Variants in HSPA9 observed in about 807,000 individuals in gnomAD.
HSPA9 encodes heat shock protein family A (Hsp70) member 9, also known as stress-70 protein, mitochondrial.
In HSPA9, 28 loss-of-function variants were observed where a neutral mutation model predicts 81.5. The ratio of observed to expected loss-of-function variants is 0.34; its 90% CI spans 0.25 to 0.47. The LOEUF (loss-of-function observed/expected upper bound fraction) is 0.47, where lower values mean the gene tolerates loss of function less well. HSPA9 is among the 20% of genes least tolerant of loss of function. HSPA9 has a pLI of 1.00. For synonymous variants in HSPA9, 293 were observed against 290.4 expected, an observed-to-expected ratio of 1.01 and a Z score of -0.09; for missense variants, 678 against 838.0, an observed-to-expected ratio of 0.81 and a Z score of 2.36.
At chr5:138,564,002 G>A (rs1561859039) in intron 9 of HSPA9, among the ~76,000 whole-genome samples, 1 of 152,110 alleles carries the variant, frequency 6.6e-6, no homozygotes, top group African/African-American at 2.4e-5. Context: ...CATTACACAT[G>A]CCCATTTATC....
At position 138,567,063 on chromosome 5, in the gene HSPA9, A is replaced by G; in HGVS notation, c.817T>C (p.Leu273=). ...GCCTGGTCAAAGTCTTCCCCACCTA[A>G]GAAGGTATCCCCATTTGTGGATTTC... is the stretch of plus-strand genomic sequence containing the variant. The part of the protein sequence containing the change: ...EVKSTNGDTF[L]GGEDFDQALL... The change falls in exon 8 of 17, where the codon TTA becomes CTA. Residue 273 remains leucine, a synonymous_variant. Transcript: ENST00000297185. 6.2e-7 allele frequency: 1 copy of G among 1,613,892 alleles called. No homozygotes were observed. The highest frequency in any genetic ancestry group is 8.5e-7 in the Non-Finnish European group (1 of 1,179,936).
At chr5:138,571,193 T>C in intron 3 of HSPA9, 52 bp from the exon 4 acceptor site, 3 of 1,563,020 alleles carry the variant, frequency 1.9e-6, no homozygotes, top group East Asian at 2.3e-5. Flanking sequence ...CACTGGTATG[T>C]TTTTTGAGAT....
Position 138,556,558 on chromosome 5 carries a change from C to T in HSPA9, c.1856G>A (p.Arg619Lys), listed in dbSNP as rs1430999478. 1 of 1,614,064 alleles carries T rather than the reference C, an allele frequency of 6.2e-7. No homozygotes were observed. The highest frequency in any genetic ancestry group is 8.5e-7 in the Non-Finnish European group (1 of 1,180,010). The change falls in exon 16 of 17, where the codon AGG (arginine) becomes AAG (lysine). Residue 619 changes from arginine to lysine, a missense_variant. Physicochemically the swap from Arg to Lys is conservative, Grantham distance 26 (BLOSUM62 2). Around this residue, in one of 4 missense-constraint regions of HSPA9, gnomAD observed 100 missense variants for 99.5 expected, o/e 1.00. Transcript: ENST00000297185. The part of the protein sequence containing the change: ...NKLKEEISKM[R>K]ELLARKDSET... The stretch of plus-strand genomic sequence containing the variant: ...GCTGTCTTTTCTAGCCAGGAGCTCC[C>T]TCATTTTGGAAATCTCTTCTTTCAG...
At chr5:138,561,110 C>T (rs1446574061) in intron 10 of HSPA9, 1 of 486,540 alleles carries the variant, frequency 2.1e-6, no homozygotes, top group Non-Finnish European at 4.2e-6. Context: ...CATCATTGCA[C>T]AAATCTTTGT....
In HSPA9 at chr5:138,554,311, T is replaced by G. The variant is rs967661739; in HGVS notation, c.*1726A>C. Among the ~76,000 whole-genome samples the G allele has an allele frequency of 4.6e-5, 7 of 152,254 alleles. No homozygotes were observed. Among genetic ancestry groups the G allele is most frequent in the African/African-American group, 1.4e-4 (6 of 41,540 alleles). On this transcript the variant is annotated 3_prime_UTR_variant, in exon 17 of 17. Coordinates refer to ENST00000297185, the MANE Select transcript of HSPA9 (RefSeq NM_004134.7). Reference sequence around the variant, plus strand: ...GCCAGTAGTTCTCAACTGGAGTACTTTGGAAATCCTGGAGGGCTTTTAAAG... The same window carrying G: ...GCCAGTAGTTCTCAACTGGAGTACTGTGGAAATCCTGGAGGGCTTTTAAAG...
intron 9 of HSPA9, among the ~76,000 whole-genome samples, chr5:138,562,146 C>T (rs1232586932): frequency 1.3e-5 from 2 of 150,544 alleles, no homozygotes; most frequent in African/African-American, 2.4e-5. Flanking sequence ...AGCATGTTGG[C>T]CAGGATGGTC....
chr5:138,557,048 G>GT (rs1336438803), intron 14 of HSPA9, 182 bp from the exon 15 acceptor site: 3 of 649,876 alleles, frequency 4.6e-6, no homozygotes, highest in Non-Finnish European at 8.3e-6. Context: ...GCTAGATTTT[G>GT]TAACATCAGA....
chr5:138,560,178 G>T, intron 10 of HSPA9, 87 bp from the exon 11 acceptor site: 1 of 895,730 alleles, frequency 1.1e-6, no homozygotes, highest in Non-Finnish European at 1.8e-6. Context: ...TACGCTCCCA[G>T]CCAGATCTCA....
At chr5:138,564,159 A>C (rs1750713528) in intron 9 of HSPA9, among the ~76,000 whole-genome samples, 1 of 152,138 alleles carries the variant, frequency 6.6e-6, no homozygotes, top group Non-Finnish European at 1.5e-5. Context: ...ACTGGACTGC[A>C]GTGGTGCCAT....
intron 5 of HSPA9, among the ~76,000 whole-genome samples, chr5:138,568,290 G>C (rs954124714): frequency 8.6e-5 from 13 of 151,906 alleles, no homozygotes; most frequent in African/African-American, 2.7e-4. Context: ...TGATTTGTCG[G>C]GAGTTGGAGA....
intron 1 of HSPA9, chr5:138,574,982 G>C (rs256008): frequency 0.95 from 554,961 of 581,170 alleles, 265,163 homozygotes; most frequent in East Asian, 0.99. Context: ...AACAGGCCAT[G>C]AGGACCACTA....
chr5:138,572,275 C>T (rs780425003), intron 3 of HSPA9, among the ~76,000 whole-genome samples: 4 of 149,918 alleles, frequency 2.7e-5, no homozygotes, highest in Non-Finnish European at 4.4e-5. Context: ...GCTTAAGACT[C>T]TTGTCAGGTG....
intron 14 of HSPA9, chr5:138,557,158 C>A: frequency 1.6e-6 from 1 of 606,334 alleles, no homozygotes; most frequent in Non-Finnish European, 2.9e-6. Flanking sequence ...TTCTCTTACC[C>A]ACAACCTATG....
At chr5:138,558,980 CACAGAAAGTCACCACAT>C (rs1397801777) in intron 11 of HSPA9, 1 of 305,020 alleles carries the variant, frequency 3.3e-6, no homozygotes, top group Non-Finnish European at 6.4e-6. Flanking sequence ...CATGCTCAGT[CACAGAAAGTCACCACAT>C]ACTTTTCTTC....
intron 5 of HSPA9, 40 bp from the exon 6 acceptor site, chr5:138,567,762 A>C: frequency 6.9e-7 from 1 of 1,455,092 alleles, no homozygotes; most frequent in Non-Finnish European, 9.6e-7. Context: ...TTCTGTCAGA[A>C]CAGAATTATT....
At chr5:138,572,475 A>G (rs1561862242) in intron 3 of HSPA9, among the ~76,000 whole-genome samples, 1 of 152,230 alleles carries the variant, frequency 6.6e-6, no homozygotes, top group Non-Finnish European at 1.5e-5. Flanking sequence ...GAGACAGACT[A>G]GAAGTGGAGC....
In HSPA9 at chr5:138,574,078, G is replaced by C; in HGVS notation, c.130C>G (p.Arg44Gly). Residue 44 changes from arginine to glycine, a missense_variant, in exon 2 of 17, where the codon CGG (arginine) becomes GGG (glycine). This residue lies in a region of HSPA9 where 89 missense variants were observed against 70.4 expected (regional missense o/e 1.27). Coordinates refer to ENST00000297185, the MANE Select transcript of HSPA9 (RefSeq NM_004134.7). ...SHEAFRLVSR[R>G]DYASEAIKGA... ...TGATATTATACTTACGCATAATCCC[G>C]CCTTGAAACAAGTCTAAAAGCCTCA... 1 of 1,612,976 alleles carries C rather than the reference G, an allele frequency of 6.2e-7. No individual in the cohort carries two copies. Among genetic ancestry groups the C allele is most frequent in the South Asian group, 1.1e-5 (1 of 91,046 alleles).
chr5:138,555,462 AAG>A lies in HSPA9; in HGVS notation c.*573_*574del. 2 of 155,520 alleles carry A rather than the reference AAG, an allele frequency of 1.3e-5. No homozygotes were observed. Among genetic ancestry groups the A allele is most frequent in the East Asian group, 3.8e-4 (2 of 5,274 alleles). 9.6% of individuals were successfully genotyped at this position (155,520 alleles called of 1,614,324 possible). A position where few individuals can be genotyped will look rare whatever the true frequency, so the allele number is the denominator to read the frequency against. On this transcript the variant is annotated 3_prime_UTR_variant, in exon 17 of 17. Coordinates refer to ENST00000297185, the MANE Select transcript of HSPA9 (RefSeq NM_004134.7). ...AGAAAAGTATGCCTTAGGGAAGTTA[AAG>A]GTCTAGCCTCATTCCTACCTTGTTT...
chr5:138,568,668 T>C (rs1038422376), intron 5 of HSPA9, among the ~76,000 whole-genome samples: 4 of 152,206 alleles, frequency 2.6e-5, no homozygotes, highest in Admixed American at 1.3e-4. Context: ...AAGCTTAATG[T>C]GTAGTCTTGT....
Sources: allele counts gnomAD v4.1 joint callset (sites outside exome capture counted in the v4.1 genomes callset), GRCh38; gene constraint gnomAD v4.1.1; regional missense constraint gnomAD v4.1.1; transcripts MANE v1.5; gene names NCBI Gene and HGNC (gene_info 2026-07-23, HGNC 2026-07-21).